The following PCDHGA2 variants were observed in gnomAD, a reference collection of about 807,000 sequenced individuals.
PCDHGA2 encodes the protein protocadherin gamma-A2.
PCDHGA2 carries 40 observed loss-of-function variants against 59.2 expected under a neutral mutation model. The observed-to-expected ratio is 0.68, with a 90% CI of 0.52 to 0.88. PCDHGA2 has a LOEUF of 0.88. Ranked by LOEUF, PCDHGA2 falls within the 40% of genes least tolerant of loss-of-function variation. The pLI, the probability that PCDHGA2 is intolerant of heterozygous loss-of-function variation, is 0.00. For missense variants in PCDHGA2, 1,226 were observed against 1,204.0 expected (o/e 1.02, Z -0.27); for synonymous variants, 560 against 526.0 (o/e 1.06, Z -0.89).
rs746642302 is a variant in PCDHGA2, at chr5:141,491,107, A to G, written c.2425-3700A>G. The stretch of plus-strand genomic sequence containing the variant: ...AGCCCCAGGACTGTTCCTCGTGTCT[A>G]CACACACTGGTGAGGTGCGCACAGC... On this transcript the variant is annotated intron_variant, in intron 1 of 3. Coordinates refer to ENST00000394576, the MANE Select transcript of PCDHGA2 (RefSeq NM_018915.4). The surrounding 1 kb of genome is among the most constrained non-coding windows in gnomAD (Gnocchi z 6.9). 2.5e-6 allele frequency: 4 copies of G among 1,614,148 alleles called. No homozygotes were observed. Among genetic ancestry groups the G allele is most frequent in the Non-Finnish European group, 2.5e-6 (3 of 1,180,014 alleles).
rs556665720 is a variant in PCDHGA2 at position 141,341,495 on chromosome 5, T to C, written c.2424+100T>C. 206 of 1,558,096 alleles carry C rather than the reference T, an allele frequency of 1.3e-4. 1 individual carries two copies. The highest frequency in any genetic ancestry group is 1.2e-3 in the Middle Eastern group (7 of 5,604). The stretch of plus-strand genomic sequence containing the variant: ...TTTGTTCCCCATATTTCCTTGAGGG[T>C]AGAGTCAAGTTTTAGGAAGTGAGTC... On this transcript the variant is annotated intron_variant, in intron 1 of 3. Coordinates refer to ENST00000394576, the MANE Select transcript of PCDHGA2 (RefSeq NM_018915.4).
intron 1 of PCDHGA2, chr5:141,350,910 C>T (rs759995473): frequency 1.9e-6 from 3 of 1,613,954 alleles, no homozygotes; most frequent in Admixed American, 1.7e-5. Flanking sequence ...GGCGGGGACC[C>T]GCCTCTAAGC....
chr5:141,453,752 T>C (rs1404363977), intron 1 of PCDHGA2, among the ~76,000 whole-genome samples: 10 of 152,364 alleles, frequency 6.6e-5, no homozygotes, highest in Admixed American at 5.9e-4. Flanking sequence ...AACATAAGTC[T>C]CCTAAAAATA....
chr5:141,479,020 T>C (rs961123768), intron 1 of PCDHGA2, among the ~76,000 whole-genome samples: 1 of 152,236 alleles, frequency 6.6e-6, no homozygotes, highest in African/African-American at 2.4e-5. Flanking sequence ...ATAATTTTCC[T>C]TTGTTTATAC....
At chr5:141,361,998 G>A in intron 1 of PCDHGA2, 4 of 1,603,340 alleles carry the variant, frequency 2.5e-6, no homozygotes, top group Non-Finnish European at 2.5e-6. Flanking sequence ...GCCTGGGGTT[G>A]CGCACGGGTG....
In PCDHGA2 at chr5:141,502,866, C is replaced by CT. The variant is rs549047197; in HGVS notation, c.2484-2513dup. ...GAGCTGCCTAACCCTGACTCTCTGT[C>CT]TTTTTTTTTTTTTTGACAGGGAGTC... On this transcript the variant is annotated intron_variant, in intron 2 of 3. Transcript: ENST00000394576. Among the ~76,000 whole-genome samples, 1,216 of 127,988 alleles carry CT rather than the reference C, an allele frequency of 9.5e-3. 34 individuals are homozygous for CT. Among genetic ancestry groups the CT allele is most frequent in the Non-Finnish European group, 0.015 (955 of 62,394 alleles). The allele number at this position is 127,988 out of a possible 152,430, so 84.0% of individuals were successfully genotyped here.
chr5:141,455,388 A>C (rs1415223043), intron 1 of PCDHGA2, among the ~76,000 whole-genome samples: 1 of 152,086 alleles, frequency 6.6e-6, no homozygotes, highest in Non-Finnish European at 1.5e-5. Context: ...AGAAGGAAGG[A>C]GCTCCCCCTT....
At chr5:141,434,695 AAT>A (rs1228504579) in intron 1 of PCDHGA2, among the ~76,000 whole-genome samples, 7 of 152,212 alleles carry the variant, frequency 4.6e-5, no homozygotes, top group Non-Finnish European at 8.8e-5. Flanking sequence ...GCTGTTAATA[AAT>A]ATGTGGGTAA....
At chr5:141,424,700 T>C (rs1359856009) in intron 1 of PCDHGA2, 3 of 152,228 alleles carry the variant, frequency 2.0e-5, no homozygotes, top group African/African-American at 7.2e-5. Context: ...TATTTTTTTG[T>C]TCATTTTCAG....
rs2099883775 is a variant in PCDHGA2 at position 141,511,415 on chromosome 5, A to G, written c.*242A>G. On this transcript the variant is annotated 3_prime_UTR_variant, in exon 4 of 4. Transcript: ENST00000394576. ...CCCCATCCAATCAACTGCTGTACCC[A>G]TGGGGGTAGTGGGGTTACTGTAGAC... 1.2e-6 allele frequency: 1 copy of G among 868,992 alleles called. No individual in the cohort carries two copies. The highest frequency in any genetic ancestry group is 2.9e-5 in the East Asian group (1 of 34,592). The allele number at this position is 868,992 out of a possible 1,614,324, so 53.8% of individuals were successfully genotyped here.
chr5:141,484,715 G>A (rs576646182), intron 1 of PCDHGA2, among the ~76,000 whole-genome samples: 1 of 152,130 alleles, frequency 6.6e-6, no homozygotes, highest in African/African-American at 2.4e-5. Context: ...CCGCCGAAAA[G>A]GGGCGGGGTC....
chr5:141,368,709 C>T (rs540009128), intron 1 of PCDHGA2, among the ~76,000 whole-genome samples: 5 of 152,276 alleles, frequency 3.3e-5, no homozygotes, highest in African/African-American at 1.2e-4. Flanking sequence ...TTGATCCATA[C>T]ATTTTGAATG....
At position 141,341,359 on chromosome 5, in the gene PCDHGA2, T is replaced by G; in HGVS notation, c.2388T>G (p.Ser796=). 1 of 1,614,258 alleles carries G rather than the reference T, an allele frequency of 6.2e-7. No individual in the cohort carries two copies. Among genetic ancestry groups the G allele is most frequent in the Non-Finnish European group, 8.5e-7 (1 of 1,180,060 alleles). ...AGGATTTTTTATCAGCGCCTCAATC[T>G]CTACTCGAAGAAGAAAGAGAAGAAA... ...EKKDFLSAPQ[S]LLEEEREETF... Residue 796 remains serine, a synonymous_variant, in exon 1 of 4, where the codon TCT becomes TCG. Transcript: ENST00000394576.
chr5:141,454,385 T>C (rs1168439343), intron 1 of PCDHGA2, among the ~76,000 whole-genome samples: 5 of 152,194 alleles, frequency 3.3e-5, no homozygotes, highest in Non-Finnish European at 7.4e-5. Flanking sequence ...CTTGTCAAGA[T>C]GAAGAAAAGG....
chr5:141,384,528 C>A (rs1443944722), intron 1 of PCDHGA2: 2 of 1,614,136 alleles, frequency 1.2e-6, no homozygotes, highest in Admixed American at 3.3e-5. Flanking sequence ...CGCCTCTCAG[C>A]AGCAACATGT....
At chr5:141,426,925 A>G in intron 1 of PCDHGA2, 1 of 456,756 alleles carries the variant, frequency 2.2e-6, no homozygotes, top group Non-Finnish European at 4.4e-6. Flanking sequence ...GAAGCAATGG[A>G]CATGGGTGAC....
chr5:141,462,782 T>C (rs1397671639), intron 1 of PCDHGA2, among the ~76,000 whole-genome samples: 1 of 152,220 alleles, frequency 6.6e-6, no homozygotes, highest in Non-Finnish European at 1.5e-5. Flanking sequence ...TCATAATTTG[T>C]TGCTTATTTG....
At chr5:141,390,271 C>A in intron 1 of PCDHGA2, 1 of 1,614,036 alleles carries the variant, frequency 6.2e-7, no homozygotes, top group Non-Finnish European at 8.5e-7. Context: ...AGTGAATTGA[C>A]TTCCCATCAG....
At position 141,432,898 on chromosome 5, in the gene PCDHGA2, G is replaced by C. The variant is rs746913952; in HGVS notation, c.2425-61909G>C. ...TGGCCTTCGTCATCTTGCTGCTGGC[G>C]CTCAGGCTGCGGCGCTGGCACAAGT... On this transcript the variant is annotated intron_variant, in intron 1 of 3. Coordinates refer to ENST00000394576, the MANE Select transcript of PCDHGA2 (RefSeq NM_018915.4). The surrounding 1 kb of genome is among the most constrained non-coding windows in gnomAD (Gnocchi z 6.0). 28 of 1,614,056 alleles carry C rather than the reference G, an allele frequency of 1.7e-5. No individual in the cohort carries two copies. In the African/African-American group the frequency reaches 2.4e-4, roughly 14 times the overall value.
Sources: allele counts gnomAD v4.1 joint callset (sites outside exome capture counted in the v4.1 genomes callset), GRCh38; gene constraint gnomAD v4.1.1; non-coding constraint Gnocchi (gnomAD v3.1); transcripts MANE v1.5; gene names NCBI Gene and HGNC (gene_info 2026-07-23, HGNC 2026-07-21).